Variants in NTRK2 observed in about 807,000 individuals in gnomAD.
The protein encoded by NTRK2 is neurotrophic receptor tyrosine kinase 2.
In NTRK2, 13 loss-of-function variants were observed where a neutral mutation model predicts 94.5. That is an observed-to-expected ratio of 0.14 (90% CI 0.09 to 0.22). The LOEUF is 0.22. Ranked by LOEUF, NTRK2 falls within the 10% of genes least tolerant of loss-of-function variation. The pLI is 1.00. For synonymous variants in NTRK2, 372 were observed against 407.4 expected (o/e 0.91, Z 1.05); for missense variants, 639 against 1,071.2 (o/e 0.60, Z 5.63).
chr9:84,763,960 T>C (rs544456881), intron 12 of NTRK2, among the ~76,000 whole-genome samples: 1 of 152,296 alleles, frequency 6.6e-6, no homozygotes, highest in East Asian at 1.9e-4. Flanking sequence ...ATTCTGTCTC[T>C]GTGTGATTGT....
Position 84,870,355 on chromosome 9 carries a change from A to G in NTRK2, c.1633+2924A>G, listed in dbSNP as rs1427193369. Among the ~76,000 whole-genome samples, 28 of 127,728 alleles carry G rather than the reference A, an allele frequency of 2.2e-4. 1 individual carries two copies. The highest frequency in any genetic ancestry group is 1.9e-3 in the East Asian group (8 of 4,288). 83.8% of individuals were successfully genotyped at this position (127,728 alleles called of 152,430 possible). On this transcript the variant is annotated intron_variant, in intron 14 of 18. Coordinates refer to ENST00000277120, the MANE Select transcript of NTRK2 (RefSeq NM_006180.6). ...TGTATATATATATATATATATATAT[A>G]TATATATATAAAACTCTGTCACCCA...
At position 84,856,948 on chromosome 9, in the gene NTRK2, T is replaced by A. The variant is rs527293879; in HGVS notation, c.1397-4092T>A. On this transcript the variant is annotated intron_variant, in intron 12 of 18. Coordinates refer to ENST00000277120, the MANE Select transcript of NTRK2 (RefSeq NM_006180.6). Reference sequence around the variant, plus strand: ...ATCAGAACCTTTCTAAGCCTCATATTTAATGTTTGCTCAATTCAGTACCTA... The same window carrying A: ...ATCAGAACCTTTCTAAGCCTCATATATAATGTTTGCTCAATTCAGTACCTA... Among the ~76,000 whole-genome samples the A allele has an allele frequency of 7.2e-5, 11 of 152,320 alleles. No homozygotes were observed. The South Asian group carries it at 2.3e-3, about 32-fold the overall frequency.
intron 14 of NTRK2, among the ~76,000 whole-genome samples, chr9:84,867,809 C>T (rs1327787865): frequency 2.0e-5 from 3 of 152,116 alleles, no homozygotes; most frequent in East Asian, 1.9e-4. Context: ...TTAAATTTAG[C>T]CTATAGAAAG....
chr9:84,757,007 T>C (rs2065142067), intron 12 of NTRK2, among the ~76,000 whole-genome samples: 1 of 152,238 alleles, frequency 6.6e-6, no homozygotes, highest in Non-Finnish European at 1.5e-5. Flanking sequence ...TTATATGAGC[T>C]GAAAACAATT....
intron 14 of NTRK2, among the ~76,000 whole-genome samples, chr9:84,881,132 C>A (rs1313797232): frequency 6.6e-6 from 1 of 152,136 alleles, no homozygotes; most frequent in Non-Finnish European, 1.5e-5. Context: ...TTTGATGAGT[C>A]CTTTGCTTTC....
intron 2 of NTRK2, among the ~76,000 whole-genome samples, chr9:84,694,779 T>TATCA (rs991243791): frequency 1.3e-5 from 2 of 152,130 alleles, no homozygotes; most frequent in African/African-American, 4.8e-5. Flanking sequence ...AAATCTAATC[T>TATCA]ATCAATCAAT....
chr9:84,676,032 T>A (rs1271058923), intron 2 of NTRK2, among the ~76,000 whole-genome samples: 1 of 151,778 alleles, frequency 6.6e-6, no homozygotes, highest in Admixed American at 6.6e-5. Flanking sequence ...TTATTCCTTA[T>A]GTGTTTCAAA....
At chr9:84,731,052 A>G (rs542082267) in intron 9 of NTRK2, among the ~76,000 whole-genome samples, 11 of 152,124 alleles carry the variant, frequency 7.2e-5, no homozygotes, top group African/African-American at 2.7e-4. Context: ...GCCTGGGCTC[A>G]CTGTGAAGCT....
intron 14 of NTRK2, among the ~76,000 whole-genome samples, chr9:84,924,229 TA>T (rs2077666731): frequency 4.2e-4 from 49 of 115,684 alleles, no homozygotes; most frequent in African/African-American, 1.6e-3. Flanking sequence ...AGAAAGAAAG[TA>T]GAAAGAAAGA....
At chr9:85,010,859 AG>A (rs1831484855) in intron 17 of NTRK2, among the ~76,000 whole-genome samples, 1 of 152,192 alleles carries the variant, frequency 6.6e-6, no homozygotes, top group Non-Finnish European at 1.5e-5. Context: ...TTCTAAAACT[AG>A]GGGTCTTTGG....
At chr9:84,812,496 T>C (rs2071920945) in intron 12 of NTRK2, 1 of 1,048,390 alleles carries the variant, frequency 9.5e-7, no homozygotes, top group South Asian at 4.6e-5. Context: ...TGTTCGCGGC[T>C]AAATGACAGT....
At chr9:84,933,059 A>G (rs2078093150) in intron 14 of NTRK2, among the ~76,000 whole-genome samples, 1 of 152,196 alleles carries the variant, frequency 6.6e-6, no homozygotes, top group Admixed American at 6.5e-5. Context: ...TGTAAAATGC[A>G]GAGAGGATTA....
chr9:84,877,860 G>A (rs967545428), intron 14 of NTRK2: 1 of 1,035,706 alleles, frequency 9.7e-7, no homozygotes, highest in African/African-American at 1.7e-5. Context: ...ATCATTCAGA[G>A]CCAAACGCAT....
At chr9:84,755,081 T>C (rs562964128) in intron 12 of NTRK2, among the ~76,000 whole-genome samples, 8 of 152,298 alleles carry the variant, frequency 5.3e-5, no homozygotes, top group African/African-American at 1.9e-4. Context: ...ACATTACTTA[T>C]GGTATTGCTC....
intron 14 of NTRK2, among the ~76,000 whole-genome samples, chr9:84,902,318 G>A (rs1331217872): frequency 6.6e-6 from 1 of 151,954 alleles, no homozygotes; most frequent in Admixed American, 6.6e-5. Context: ...AAAGATTCTT[G>A]TGTGTTCTTT....
intron 17 of NTRK2, among the ~76,000 whole-genome samples, chr9:85,000,369 C>T (rs530274287): frequency 6.6e-6 from 1 of 152,250 alleles, no homozygotes; most frequent in South Asian, 2.1e-4. Context: ...TTTCACTGCC[C>T]TAAAAATCCT....
intron 12 of NTRK2, among the ~76,000 whole-genome samples, chr9:84,833,597 AAAAG>A (rs768345304): frequency 7.5e-5 from 11 of 146,978 alleles, no homozygotes; most frequent in Admixed American, 1.3e-4. Context: ...AAGAAAGAGA[AAAAG>A]AAAGAAAAGA....
chr9:84,848,079 C>CAG (rs3029704), intron 12 of NTRK2, among the ~76,000 whole-genome samples: 1,981 of 144,304 alleles, frequency 0.014, 30 homozygotes, highest in African/African-American at 0.04. Context: ...TAGAGAGGGG[C>CAG]AGAGAGAGAG....
intron 12 of NTRK2, among the ~76,000 whole-genome samples, chr9:84,836,498 T>C (rs2073880392): frequency 6.6e-6 from 1 of 151,666 alleles, no homozygotes; most frequent in African/African-American, 2.4e-5. Flanking sequence ...GCAAGTACAG[T>C]CAATGCCCTT....
Sources: gnomAD v4.1 joint callset for allele counts (sites outside exome capture counted in the v4.1 genomes callset) on GRCh38, gnomAD v4.1.1 for gene constraint, MANE v1.5 for transcripts, NCBI Gene and HGNC (gene_info 2026-07-23, HGNC 2026-07-21) for gene names.